Variants in FAM83H observed in about 807,000 individuals in gnomAD.
The protein encoded by FAM83H is scaffolding CK1 anchoring protein H.
Under a neutral mutation model 30.2 loss-of-function variants are expected in FAM83H, and 24 were observed. The observed-to-expected ratio is 0.79, with a 90% CI of 0.57 to 1.12. The LOEUF (loss-of-function observed/expected upper bound fraction) is 1.12, where lower values mean the gene tolerates loss of function less well. Among genes scored for constraint, FAM83H ranks in the 50% most tolerant of loss-of-function variants. The pLI is 0.00. For synonymous variants in FAM83H, 1,013 were observed against 821.7 expected (o/e 1.23, Z -3.98); for missense variants, 2,038 against 1,773.9 (o/e 1.15, Z -2.67).
rs369006906 is a variant in FAM83H, at chr8:143,728,234, C to T, written c.1227G>A (p.Arg409=). Residue 409 remains arginine, a synonymous_variant, in exon 5 of 5, where the codon CGG becomes CGA. Coordinates refer to ENST00000388913, the MANE Select transcript of FAM83H (RefSeq NM_198488.5). ...ARHLEMDAFK[R]HSFATEGAGA... is the part of the protein sequence containing the mutation. ...CCGCGCCCTCGGTCGCGAAGCTGTG[C>T]CGCTTGAAGGCGTCCATCTCCAGGT... 1.3e-6 allele frequency: 2 copies of T among 1,586,980 alleles called. No individual in the cohort carries two copies. Among genetic ancestry groups the T allele is most frequent in the South Asian group, 1.1e-5 (1 of 89,000 alleles).
At chr8:143,732,704 G>T (rs1394412001) in intron 1 of FAM83H, 2 of 985,356 alleles carry the variant, frequency 2.0e-6, no homozygotes, top group Admixed American at 6.1e-5. Context: ...TCATGGGTAC[G>T]TGTCTCCTGG....
chr8:143,730,707 GT>G, intron 1 of FAM83H, 110 bp from the exon 2 acceptor site: 1 of 835,992 alleles, frequency 1.2e-6, no homozygotes, highest in Non-Finnish European at 1.8e-6. Flanking sequence ...GTAGGCTGGA[GT>G]TTAGCCCATG....
chr8:143,730,137 T>C lies in FAM83H; in HGVS notation c.446A>G (p.Gln149Arg), dbSNP rs200364568. The C allele has an allele frequency of 5.1e-6, 8 of 1,559,340 alleles. No individual in the cohort carries two copies. The highest frequency in any genetic ancestry group is 7.0e-6 in the Non-Finnish European group (8 of 1,148,994). ...EARRMIRSAQ[Q>R]VVAVVMDMFT... ...ACCCTCAAGCCCAAGATGGCGCACC[T>C]GCTGGGCGGAACGGATCATCCTGCG... Residue 149 changes from glutamine to arginine, a missense_variant and splice_region_variant, in exon 2 of 5, where the codon CAG becomes CGG. By Grantham distance (43) the Gln-to-Arg change is conservative. Coordinates refer to ENST00000388913, the MANE Select transcript of FAM83H (RefSeq NM_198488.5).
chr8:143,727,972 A>G lies in FAM83H; in HGVS notation c.1489T>C (p.Phe497Leu), dbSNP rs1818370056. 6.4e-7 allele frequency: 1 copy of G among 1,572,226 alleles called. No homozygotes were observed. Among genetic ancestry groups the G allele is most frequent in the Non-Finnish European group, 8.6e-7 (1 of 1,167,514 alleles). ...DDFTLGAGPR[F>L]PELGPDGHQR... is the part of the protein sequence containing the mutation. ...TGCCCGTCGGGTCCGAGCTCCGGGA[A>G]GCGGGGCCCGGCGCCCAGGGTGAAG... Residue 497 changes from phenylalanine to leucine, a missense_variant, in exon 5 of 5, where the codon TTC (phenylalanine) becomes CTC (leucine). Coordinates refer to ENST00000388913, the MANE Select transcript of FAM83H (RefSeq NM_198488.5).
chr8:143,729,041 C>T lies in FAM83H; in HGVS notation c.663G>A (p.Gly221=). 6.2e-7 allele frequency: 1 copy of T among 1,613,668 alleles called. No homozygotes were observed. The highest frequency in any genetic ancestry group is 1.1e-5 in the South Asian group (1 of 91,088). ...CCTTGACGTGGCCCTTGAAGGACTT[C>T]CCAGTGCGGCAGTAGTAGGTGGGGC... The part of the protein sequence containing the change: ...VAGPTYYCRT[G]KSFKGHVKEK... The change falls in exon 4 of 5, where the codon GGG becomes GGA. Residue 221 remains glycine, a synonymous_variant. Coordinates refer to ENST00000388913, the MANE Select transcript of FAM83H (RefSeq NM_198488.5).
In FAM83H at chr8:143,727,596, G is replaced by A. The variant is rs1554622697; in HGVS notation, c.1865C>T (p.Ala622Val). Residue 622 changes from alanine (A) to valine (V), a missense_variant, in exon 5 of 5, where the codon GCC becomes GTC. Ala to Val is a moderately conservative substitution (Grantham distance 64, BLOSUM62 0). Transcript: ENST00000388913. ...DVLAPGGRAP[A>V]GDLLPSAFRV... is the part of the protein sequence containing the mutation. ...GAAGGCCGAGGGGAGCAGGTCGCCG[G>A]CAGGTGCCCGGCCCCCGGGAGCCAG... 1.3e-6 allele frequency: 2 copies of A among 1,582,192 alleles called. No individual in the cohort carries two copies. Among genetic ancestry groups the A allele is most frequent in the South Asian group, 2.2e-5 (2 of 89,244 alleles).
At position 143,730,321 on chromosome 8, in the gene FAM83H, T is replaced by C. The variant is rs376483595; in HGVS notation, c.262A>G (p.Met88Val). ...PPEGSLLDVD[M>V]DGSSGTYWPV... ...CAGTATGTACCCGAGGAGCCATCCA[T>C]GTCCACGTCGAGAAGGCTGCCTTCA... Residue 88 changes from methionine (M) to valine (V), a missense_variant, in exon 2 of 5, where the codon ATG becomes GTG. By Grantham distance (21) the Met-to-Val change is conservative. Transcript: ENST00000388913. 2.6e-5 allele frequency: 42 copies of C among 1,613,656 alleles called. No homozygotes were observed. The highest frequency in any genetic ancestry group is 6.7e-5 in the African/African-American group (5 of 74,954).
chr8:143,729,087 AG>A lies in FAM83H; in HGVS notation c.616del (p.Leu206CysfsTer35). 6.2e-7 allele frequency: 1 copy of A among 1,613,718 alleles called. No homozygotes were observed. Among genetic ancestry groups the A allele is most frequent in the Non-Finnish European group, 8.5e-7 (1 of 1,179,998 alleles). On this transcript the variant is annotated frameshift_variant, in exon 4 of 5. Coordinates refer to ENST00000388913, the MANE Select transcript of FAM83H (RefSeq NM_198488.5). LOFTEE classifies it high-confidence loss of function. ...GGGGCCCGCCACAGTCCGTACGCGC[AG>A]GAACTGGGGAGGGAGGGGAGTCAGA... ...CRVNLQHVDF[L>X]RVRTVAGPTY...
intron 1 of FAM83H, chr8:143,731,986 G>A (rs1354967651): frequency 4.1e-6 from 4 of 985,340 alleles, no homozygotes; most frequent in Non-Finnish European, 4.8e-6. Flanking sequence ...TGGGGAGGGA[G>A]GCAGGACACC....
In FAM83H at chr8:143,726,966, G is replaced by C; in HGVS notation, c.2495C>G (p.Pro832Arg). Reference protein sequence around the residue: ...TLGRSGSDRLPSRFLSAQSHS... With the variant: ...TLGRSGSDRLRSRFLSAQSHS... ...GCTCTGGGCAGAGAGGAAGCGGGAAGGCAGGCGGTCGGAGCCGCTCCGGCC... is the reference window on the plus strand; with the variant it reads ...GCTCTGGGCAGAGAGGAAGCGGGAACGCAGGCGGTCGGAGCCGCTCCGGCC... The change falls in exon 5 of 5, where the codon CCT becomes CGT. Residue 832 changes from proline to arginine, a missense_variant. Coordinates refer to ENST00000388913, the MANE Select transcript of FAM83H (RefSeq NM_198488.5). 1 of 1,607,288 alleles carries C rather than the reference G, an allele frequency of 6.2e-7. No homozygotes were observed. Among genetic ancestry groups the C allele is most frequent in the South Asian group, 1.1e-5 (1 of 90,614 alleles).
At position 143,728,219 on chromosome 8, in the gene FAM83H, G is replaced by T; in HGVS notation, c.1242C>A (p.Thr414=). 1 of 1,596,082 alleles carries T rather than the reference G, an allele frequency of 6.3e-7. No individual in the cohort carries two copies. Among genetic ancestry groups the T allele is most frequent in the South Asian group, 1.1e-5 (1 of 89,974 alleles). ...AGTTCTCCACGGCGCCCGCGCCCTC[G>T]GTCGCGAAGCTGTGCCGCTTGAAGG... The part of the protein sequence containing the change: ...MDAFKRHSFA[T]EGAGAVENFA... Residue 414 remains threonine (T), a synonymous_variant, in exon 5 of 5, where the codon ACC becomes ACA. Transcript: ENST00000388913.
chr8:143,725,661 G>C lies in FAM83H; in HGVS notation c.*260C>G, dbSNP rs1461503416. 2 of 598,442 alleles carry C rather than the reference G, an allele frequency of 3.3e-6. No homozygotes were observed. The highest frequency in any genetic ancestry group is 5.6e-5 in the East Asian group (2 of 35,702). 37.1% of individuals were successfully genotyped at this position (598,442 alleles called of 1,614,324 possible). ...TGCGCCACGCAAGGCTGACGGTGCA[G>C]AGATGAAGGTGCTGAGGGGAGAAAG... On this transcript the variant is annotated 3_prime_UTR_variant, in exon 5 of 5. Transcript: ENST00000388913.
Position 143,727,464 on chromosome 8 carries a change from T to C in FAM83H, c.1997A>G (p.Asp666Gly). ...GGGGTTCAGGCGCGAGCGGAATGAG[T>C]CCTGCTTGGCCAGGCCAGGCTCCTC... ...GPEEPGLAKQ[D>G]SFRSRLNPLV... The change falls in exon 5 of 5, where the codon GAC becomes GGC. Residue 666 changes from aspartate to glycine, a missense_variant. Coordinates refer to ENST00000388913, the MANE Select transcript of FAM83H (RefSeq NM_198488.5). 6.4e-7 allele frequency: 1 copy of C among 1,569,974 alleles called. No individual in the cohort carries two copies. The highest frequency in any genetic ancestry group is 8.6e-7 in the Non-Finnish European group (1 of 1,165,480).
rs1554620935 is a variant in FAM83H, at chr8:143,724,569, C to T, written c.*1352G>A. 6.6e-6 allele frequency: 1 copy of T among 152,186 alleles called. No homozygotes were observed. Among genetic ancestry groups the T allele is most frequent in the Non-Finnish European group, 1.5e-5 (1 of 68,042 alleles). The allele number at this position is 152,186 out of a possible 1,614,324, so 9.4% of individuals were successfully genotyped here. ...GTGTTGGTGACAAAGAGGAAAGGACCTGAGAATGGGGCTGGTGGGGAGAGG... is the reference window on the plus strand; with the variant it reads ...GTGTTGGTGACAAAGAGGAAAGGACTTGAGAATGGGGCTGGTGGGGAGAGG... On this transcript the variant is annotated 3_prime_UTR_variant, in exon 5 of 5. Transcript: ENST00000388913.
At position 143,726,516 on chromosome 8, in the gene FAM83H, T is replaced by C. The variant is rs761661915; in HGVS notation, c.2945A>G (p.Glu982Gly). ...LLSPKGERRMEDEGGFPVPQE... is the reference protein window; with the variant it reads ...LLSPKGERRMGDEGGFPVPQE... ...CGGCACTGGGAAGCCACCCTCATCC[T>C]CCATGCGCCGCTCGCCCTTGGGGCT... Residue 982 changes from glutamate (E) to glycine (G), a missense_variant, in exon 5 of 5, where the codon GAG (glutamate) becomes GGG (glycine). Coordinates refer to ENST00000388913, the MANE Select transcript of FAM83H (RefSeq NM_198488.5). 203 of 1,605,874 alleles carry C rather than the reference T, an allele frequency of 1.3e-4. No individual in the cohort carries two copies. The highest frequency in any genetic ancestry group is 1.6e-4 in the Non-Finnish European group (188 of 1,179,716).
At chr8:143,729,422 G>C in intron 2 of FAM83H, 99 bp from the exon 3 acceptor site, 2 of 1,370,108 alleles carry the variant, frequency 1.5e-6, no homozygotes, top group Non-Finnish European at 2.0e-6. Context: ...GATCACCCAC[G>C]ACCACTGTGA....
rs1554622297 is a variant in FAM83H, at chr8:143,727,081, G to A, written c.2380C>T (p.Arg794Cys). 6 of 1,543,476 alleles carry A rather than the reference G, an allele frequency of 3.9e-6. No homozygotes were observed. The highest frequency in any genetic ancestry group is 5.2e-6 in the Non-Finnish European group (6 of 1,151,300). ...RSLESCLLDL[R>C]DSFAQQLHQE... ...TGCAGCTGCTGTGCAAAGGAGTCGCGCAGGTCCAGCAGGCAGCTCTCGAGG... is the reference window on the plus strand; with the variant it reads ...TGCAGCTGCTGTGCAAAGGAGTCGCACAGGTCCAGCAGGCAGCTCTCGAGG... The change falls in exon 5 of 5, where the codon CGC (arginine) becomes TGC (cysteine). Residue 794 changes from arginine to cysteine, a missense_variant. Transcript: ENST00000388913.
Position 143,726,627 on chromosome 8 carries a change from G to C in FAM83H, c.2834C>G (p.Ser945Cys), listed in dbSNP as rs782134109. 12 of 1,598,698 alleles carry C rather than the reference G, an allele frequency of 7.5e-6. No individual in the cohort carries two copies. Among genetic ancestry groups the C allele is most frequent in the Non-Finnish European group, 1.0e-5 (12 of 1,178,012 alleles). Residue 945 changes from serine (S) to cysteine (C), a missense_variant, in exon 5 of 5, where the codon TCC becomes TGC. Transcript: ENST00000388913. ...CTCCTCCGCGGGCCCGGCCTTCGGG[G>C]ACTCCCCGGAGATGGTAAGGGTGAG... ...GSLTLTISGE[S>C]PKAGPAEEGP...
chr8:143,726,150 C>G lies in FAM83H; in HGVS notation c.3311G>C (p.Arg1104Pro). 1 of 1,611,632 alleles carries G rather than the reference C, an allele frequency of 6.2e-7. No homozygotes were observed. Among genetic ancestry groups the G allele is most frequent in the Non-Finnish European group, 8.5e-7 (1 of 1,179,432 alleles). ...GCTGGCTGGCAGCGTGCGGCTCAGC[C>G]GGCCCTGGGTCCCCAAGCTGTCCGA... ...FRSDSLGTQGRLSRTLPASAE... is the reference protein window; with the variant it reads ...FRSDSLGTQGPLSRTLPASAE... The change falls in exon 5 of 5, where the codon CGG (arginine) becomes CCG (proline). Residue 1104 changes from arginine to proline, a missense_variant. Transcript: ENST00000388913.
Sources: allele counts gnomAD v4.1 joint callset, GRCh38; gene constraint gnomAD v4.1.1; transcripts MANE v1.5; gene names NCBI Gene and HGNC (gene_info 2026-07-23, HGNC 2026-07-21).